CYYR1: variants seen among roughly 807,000 people sequenced by gnomAD.
CYYR1 encodes the protein cysteine and tyrosine-rich protein 1.
Under a neutral mutation model 15.2 loss-of-function variants are expected in CYYR1, and 14 were observed. That is an observed-to-expected ratio of 0.92 (90% CI 0.61 to 1.44). CYYR1 has a LOEUF of 1.44. Among genes scored for constraint, CYYR1 ranks in the 40% most tolerant of loss-of-function variants. The pLI is 0.00. For missense variants in CYYR1, 228 were observed against 209.5 expected, an observed-to-expected ratio of 1.09 and a Z score of -0.54; for synonymous variants, 80 against 77.4, an observed-to-expected ratio of 1.03 and a Z score of -0.18.
intron 2 of CYYR1, among the ~76,000 whole-genome samples, chr21:26,487,619 CT>C (rs2065267694): frequency 6.6e-6 from 1 of 151,950 alleles, no homozygotes; most frequent in African/African-American, 2.4e-5. Flanking sequence ...GCATTTTCTT[CT>C]CTGTTGCTTA....
chr21:26,556,678 A>G (rs1418538266), intron 2 of CYYR1, among the ~76,000 whole-genome samples: 1 of 152,062 alleles, frequency 6.6e-6, no homozygotes, highest in Non-Finnish European at 1.5e-5. Context: ...CACACTTTTA[A>G]ACAACCAGAT....
intron 2 of CYYR1, among the ~76,000 whole-genome samples, chr21:26,485,344 G>A (rs1208754768): frequency 2.0e-5 from 3 of 152,020 alleles, no homozygotes; most frequent in Non-Finnish European, 2.9e-5. Flanking sequence ...ACTATAAGGT[G>A]TATTTATAGT....
chr21:26,564,429 GA>G (rs567507228), intron 2 of CYYR1, among the ~76,000 whole-genome samples: 13 of 152,080 alleles, frequency 8.5e-5, no homozygotes, highest in Admixed American at 3.9e-4. Flanking sequence ...TTTCCCTTCT[GA>G]AACACGATTT....
At chr21:26,530,698 T>C (rs547495819) in intron 2 of CYYR1, among the ~76,000 whole-genome samples, 1 of 152,126 alleles carries the variant, frequency 6.6e-6, no homozygotes, top group South Asian at 2.1e-4. Context: ...CACTTATGAG[T>C]GAGAACAGGC....
intron 2 of CYYR1, among the ~76,000 whole-genome samples, chr21:26,562,491 G>A (rs1980270572): frequency 6.6e-6 from 1 of 151,962 alleles, no homozygotes; most frequent in Non-Finnish European, 1.5e-5. Flanking sequence ...TCTATCTTTT[G>A]TCTGACCTAC....
intron 2 of CYYR1, among the ~76,000 whole-genome samples, chr21:26,557,823 A>ACAG (rs58091099): frequency 0.42 from 64,316 of 151,864 alleles, 14,906 homozygotes; most frequent in East Asian, 0.66. Context: ...TTCATACCCT[A>ACAG]CAGGCTTTTC....
At chr21:26,487,973 CT>C (rs5843237) in intron 2 of CYYR1, among the ~76,000 whole-genome samples, 120,044 of 146,204 alleles carry the variant, frequency 0.82, 49,879 homozygotes, top group Non-Finnish European at 0.87. Flanking sequence ...TTTTATTTTG[CT>C]TTTTTTTTTT....
At chr21:26,549,971 C>G (rs1979264878) in intron 2 of CYYR1, among the ~76,000 whole-genome samples, 1 of 152,148 alleles carries the variant, frequency 6.6e-6, no homozygotes, top group Non-Finnish European at 1.5e-5. Context: ...TTGAGTCTCA[C>G]AGATATTATG....
chr21:26,511,480 T>C (rs1453717079), intron 2 of CYYR1, among the ~76,000 whole-genome samples: 6 of 152,206 alleles, frequency 3.9e-5, no homozygotes, highest in Non-Finnish European at 7.3e-5. Flanking sequence ...TAGATGCCCA[T>C]AGTCATATGC....
At chr21:26,525,527 T>TA (rs1226034512) in intron 2 of CYYR1, among the ~76,000 whole-genome samples, 4 of 152,202 alleles carry the variant, frequency 2.6e-5, no homozygotes, top group Non-Finnish European at 5.9e-5. Context: ...CTATCACCTT[T>TA]AGATTTCTAT....
chr21:26,513,580 C>T (rs2065680261), intron 2 of CYYR1, among the ~76,000 whole-genome samples: 1 of 152,070 alleles, frequency 6.6e-6, no homozygotes, highest in South Asian at 2.1e-4. Context: ...GTAGGCAATA[C>T]TGTGGAGACT....
chr21:26,545,142 T>C (rs556663325), intron 2 of CYYR1, among the ~76,000 whole-genome samples: 1 of 152,230 alleles, frequency 6.6e-6, no homozygotes, highest in African/African-American at 2.4e-5. Flanking sequence ...ATTACTTTTT[T>C]ATTGAAATTA....
chr21:26,469,181 G>A (rs1426195042), intron 3 of CYYR1, among the ~76,000 whole-genome samples: 1 of 152,180 alleles, frequency 6.6e-6, no homozygotes, highest in Non-Finnish European at 1.5e-5. Flanking sequence ...AGGGACTCAT[G>A]ACAGTGAGGG....
At chr21:26,549,176 C>G (rs1016904695) in intron 2 of CYYR1, among the ~76,000 whole-genome samples, 53 of 152,154 alleles carry the variant, frequency 3.5e-4, no homozygotes, top group Admixed American at 3.9e-4. Flanking sequence ...GCTTAGGATA[C>G]ATCGTTCCAG....
chr21:26,540,748 C>G (rs747447636), intron 2 of CYYR1, among the ~76,000 whole-genome samples: 9 of 151,948 alleles, frequency 5.9e-5, no homozygotes, highest in African/African-American at 2.2e-4. Flanking sequence ...AAAAAAATGT[C>G]CAGGGTATAA....
At chr21:26,512,365 A>T (rs1379297350) in intron 2 of CYYR1, among the ~76,000 whole-genome samples, 1 of 150,756 alleles carries the variant, frequency 6.6e-6, no homozygotes, top group Non-Finnish European at 1.5e-5. Context: ...TGCCTGGCTA[A>T]TTTTTTTTTG....
At chr21:26,528,683 A>C (rs2065894688) in intron 2 of CYYR1, among the ~76,000 whole-genome samples, 1 of 152,230 alleles carries the variant, frequency 6.6e-6, no homozygotes, top group African/African-American at 2.4e-5. Flanking sequence ...CTAACACAGC[A>C]ACTTTGTAAA....
At chr21:26,520,113 G>GAT (rs71183558) in intron 2 of CYYR1, among the ~76,000 whole-genome samples, 11,746 of 120,330 alleles carry the variant, frequency 0.098, 760 homozygotes, top group East Asian at 0.14. Context: ...AAACCCAGGA[G>GAT]ATATATATAT....
chr21:26,470,526 C>T (rs2065021214), intron 3 of CYYR1: 2 of 152,116 alleles, frequency 1.3e-5, no homozygotes, highest in South Asian at 4.1e-4. Flanking sequence ...GTAGCACTTC[C>T]CTCTTCTTTC....
Sources: gnomAD v4.1 joint callset for allele counts (sites outside exome capture counted in the v4.1 genomes callset) on GRCh38, gnomAD v4.1.1 for gene constraint, MANE v1.5 for transcripts, NCBI Gene and HGNC (gene_info 2026-07-23, HGNC 2026-07-21) for gene names.